The following KAZALD1 variants were observed in gnomAD, a reference collection of about 807,000 sequenced individuals.
KAZALD1 encodes the protein Kazal type serine peptidase inhibitor domain 1, also known as kazal-type serine protease inhibitor domain-containing protein 1.
A neutral mutation model predicts 27.7 loss-of-function variants in KAZALD1; 31 were observed. The ratio of observed to expected loss-of-function variants is 1.12; its 90% CI spans 0.84 to 1.51. The LOEUF is 1.51. Ranked by LOEUF, KAZALD1 falls within the 40% of genes most tolerant of loss-of-function variation. The pLI is 0.00. For synonymous variants in KAZALD1, 179 were observed against 182.0 expected (o/e 0.98, Z 0.13); for missense variants, 444 against 408.9 (o/e 1.09, Z -0.74).
In KAZALD1 at chr10:101,062,844, C is replaced by G; in HGVS notation, c.252C>G (p.Asn84Lys). 6.3e-7 allele frequency: 1 copy of G among 1,594,266 alleles called. No homozygotes were observed. Among genetic ancestry groups the G allele is most frequent in the Admixed American group, 1.7e-5 (1 of 59,532 alleles). The change falls in exon 2 of 5, where the codon AAC becomes AAG. Residue 84 changes from asparagine (N) to lysine (K), a missense_variant. Coordinates refer to ENST00000370200, the MANE Select transcript of KAZALD1 (RefSeq NM_030929.5). ...GCGGCTGCTGCTGGGAATGCGCCAACCTCGAGGGCCAGCTCTGCGACCTGG... is the reference window on the plus strand; with the variant it reads ...GCGGCTGCTGCTGGGAATGCGCCAAGCTCGAGGGCCAGCTCTGCGACCTGG... Reference protein sequence around the residue: ...DACGCCWECANLEGQLCDLDP... With the variant: ...DACGCCWECAKLEGQLCDLDP...
downstream of KAZALD1, chr10:101,067,873 G>A (rs964545788): frequency 2.1e-6 from 1 of 469,604 alleles, no homozygotes; most frequent in Non-Finnish European, 4.4e-6. Flanking sequence ...TGGGGACCGA[G>A]GACACCCTCA....
In KAZALD1 at chr10:101,062,637, G is replaced by T. The variant is rs746864441; in HGVS notation, c.45G>T (p.Val15=). The change falls in exon 2 of 5, where the codon GTG becomes GTT. Residue 15 remains valine (V), a synonymous_variant. Transcript: ENST00000370200. ...CCGCAGCTGCCTTGGCGCTGCCTGT[G>T]CTCCTGCTACTGCTGGTGGTGCTGA... ...PRPAAALALP[V]LLLLLVVLTP... is the part of the protein sequence containing the mutation. 1.3e-6 allele frequency: 2 copies of T among 1,573,060 alleles called. No homozygotes were observed. Among genetic ancestry groups the T allele is most frequent in the South Asian group, 2.3e-5 (2 of 88,332 alleles).
In KAZALD1 at chr10:101,066,953, A is replaced by T. The variant is rs539954014; in HGVS notation, c.*2033A>T. The T allele has an allele frequency of 2.9e-5, 9 of 315,620 alleles. No homozygotes were observed. Among genetic ancestry groups the T allele is most frequent in the African/African-American group, 1.8e-4 (8 of 45,710 alleles). The allele number at this position is 315,620 out of a possible 1,614,324, so 19.6% of individuals were successfully genotyped here. A position where few individuals can be genotyped will look rare whatever the true frequency, so the allele number is the denominator to read the frequency against. On this transcript the variant is annotated 3_prime_UTR_variant, in exon 5 of 5. Transcript: ENST00000370200. The stretch of plus-strand genomic sequence containing the variant: ...CCTCCCCGCACCCCGCCTCTGCTGC[A>T]GCGGACCCGCTTTAATAATGTCGCT...
rs759811794 is a variant in KAZALD1 at position 101,062,770 on chromosome 10, G to T, written c.178G>T (p.Glu60Ter). ...GEGCAPCRPE[E>*]CAAPRGCLAG... is the part of the protein sequence containing the mutation. ...GGGCTGCGCTCCCTGCCGGCCAGAA[G>T]AGTGCGCCGCGCCGCGGGGCTGCCT... The change falls in exon 2 of 5, where the codon GAG (glutamate) becomes TAG (stop). Residue 60 changes from glutamate (E) to a stop codon, truncating the protein, a stop_gained. Transcript: ENST00000370200. LOFTEE classifies it high-confidence loss of function. The T allele has an allele frequency of 1.1e-5, 17 of 1,552,878 alleles. No homozygotes were observed. The highest frequency in any genetic ancestry group is 1.5e-5 in the Non-Finnish European group (17 of 1,158,682).
rs1179600088 is a variant in KAZALD1 at position 101,065,335 on chromosome 10, A to C, written c.*415A>C. 1 of 179,502 alleles carries C rather than the reference A, an allele frequency of 5.6e-6. No homozygotes were observed. The highest frequency in any genetic ancestry group is 1.6e-4 in the East Asian group (1 of 6,424). 11.1% of individuals were successfully genotyped at this position (179,502 alleles called of 1,614,324 possible). A position where few individuals can be genotyped will look rare whatever the true frequency, so the allele number is the denominator to read the frequency against. ...GGTTCTTGCTATTTCCTGGTCCCCA[A>C]CGTTTATCTAGCTTGTTTGCCCTTT... On this transcript the variant is annotated 3_prime_UTR_variant, in exon 5 of 5. Transcript: ENST00000370200.
rs755120371 is a variant in KAZALD1, at chr10:101,062,857, C to T, written c.265C>T (p.Leu89Phe). 3.4e-5 allele frequency: 54 copies of T among 1,599,696 alleles called. No homozygotes were observed. Among genetic ancestry groups the T allele is most frequent in the Admixed American group, 2.5e-4 (15 of 59,874 alleles). ...GGAATGCGCCAACCTCGAGGGCCAG[C>T]TCTGCGACCTGGACCCCAGTGCTCA... ...CWECANLEGQ[L>F]CDLDPSAHFY... The change falls in exon 2 of 5, where the codon CTC becomes TTC. Residue 89 changes from leucine to phenylalanine, a missense_variant. Leu to Phe is a conservative substitution (Grantham distance 22, BLOSUM62 0). Coordinates refer to ENST00000370200, the MANE Select transcript of KAZALD1 (RefSeq NM_030929.5).
chr10:101,062,853 C>T lies in KAZALD1; in HGVS notation c.261C>T (p.Gly87=). The change falls in exon 2 of 5, where the codon GGC becomes GGT. Residue 87 remains glycine, a synonymous_variant. Transcript: ENST00000370200. ...GCCWECANLE[G]QLCDLDPSAH... is the part of the protein sequence containing the mutation. The stretch of plus-strand genomic sequence containing the variant: ...GCTGGGAATGCGCCAACCTCGAGGG[C>T]CAGCTCTGCGACCTGGACCCCAGTG... 3 of 1,597,508 alleles carry T rather than the reference C, an allele frequency of 1.9e-6. No individual in the cohort carries two copies. Among genetic ancestry groups the T allele is most frequent in the South Asian group, 1.1e-5 (1 of 90,604 alleles).
Position 101,064,389 on chromosome 10 carries a change from C to T in KAZALD1, c.640C>T (p.Leu214=), listed in dbSNP as rs1349463986. The T allele has an allele frequency of 6.2e-7, 1 of 1,614,186 alleles. No individual in the cohort carries two copies. The change falls in exon 3 of 5, where the codon CTG becomes TTG. Residue 214 remains leucine, a synonymous_variant. Coordinates refer to ENST00000370200, the MANE Select transcript of KAZALD1 (RefSeq NM_030929.5). ...EWRKDGLDIQ[L]PGDDPHISVQ... The stretch of plus-strand genomic sequence containing the variant: ...GAGGAAGGATGGCTTGGACATCCAG[C>T]TGCCAGGGGATGACCCCCACATCTC...
At position 101,064,831 on chromosome 10, in the gene KAZALD1, C is replaced by A; in HGVS notation, c.826C>A (p.Leu276Met). 1 of 1,614,134 alleles carries A rather than the reference C, an allele frequency of 6.2e-7. No homozygotes were observed. The highest frequency in any genetic ancestry group is 8.5e-7 in the Non-Finnish European group (1 of 1,179,964). Residue 276 changes from leucine to methionine, a missense_variant, in exon 5 of 5, where the codon CTG becomes ATG. Coordinates refer to ENST00000370200, the MANE Select transcript of KAZALD1 (RefSeq NM_030929.5). ...ASLTVLTPDQ[L>M]NSTGIPQLRS... Reference sequence around the variant, plus strand: ...TTGCCCATGTGTGTTTGCAGACCAGCTGAACTCTACAGGCATCCCCCAGCT... The same window carrying A: ...TTGCCCATGTGTGTTTGCAGACCAGATGAACTCTACAGGCATCCCCCAGCT...
At chr10:101,067,215 G>T, downstream of KAZALD1, 1 of 454,642 alleles carries the variant, frequency 2.2e-6, no homozygotes, top group Non-Finnish European at 4.4e-6. Context: ...CTGCCCACGG[G>T]CTTCCAAGCC....
In KAZALD1 at chr10:101,066,011, G is replaced by C. The variant is rs1416691501; in HGVS notation, c.*1091G>C. Among the ~76,000 whole-genome samples the C allele has an allele frequency of 6.6e-6, 1 of 152,218 alleles. No homozygotes were observed. The highest frequency in any genetic ancestry group is 1.5e-5 in the Non-Finnish European group (1 of 68,028). On this transcript the variant is annotated 3_prime_UTR_variant, in exon 5 of 5. Coordinates refer to ENST00000370200, the MANE Select transcript of KAZALD1 (RefSeq NM_030929.5). ...ATCTACCCATTTCCTGCAGAAGCCAGAGTCATGGTAAGGCTGTTTCCTATC... is the reference window on the plus strand; with the variant it reads ...ATCTACCCATTTCCTGCAGAAGCCACAGTCATGGTAAGGCTGTTTCCTATC...
chr10:101,062,610 G>A lies in KAZALD1; in HGVS notation c.18G>A (p.Arg6=), dbSNP rs778226073. Residue 6 remains arginine (R), a synonymous_variant, in exon 2 of 5, where the codon CGG becomes CGA. Coordinates refer to ENST00000370200, the MANE Select transcript of KAZALD1 (RefSeq NM_030929.5). ...CGCTAACCATGCTGCCGCCGCCGCG[G>A]CCCGCAGCTGCCTTGGCGCTGCCTG... MLPPP[R]PAAALALPVL... is the part of the protein sequence containing the mutation. The A allele has an allele frequency of 2.5e-6, 4 of 1,580,804 alleles. No homozygotes were observed. The highest frequency in any genetic ancestry group is 1.7e-5 in the Admixed American group (1 of 58,080).
rs1939288271 is a variant in KAZALD1, at chr10:101,065,167, G to A, written c.*247G>A. On this transcript the variant is annotated 3_prime_UTR_variant, in exon 5 of 5. Coordinates refer to ENST00000370200, the MANE Select transcript of KAZALD1 (RefSeq NM_030929.5). Reference sequence around the variant, plus strand: ...GTACAAAGGGGCCCATGCAGGAGATGCCCTGGCCAGTAGGACCTCCAACAG... The same window carrying A: ...GTACAAAGGGGCCCATGCAGGAGATACCCTGGCCAGTAGGACCTCCAACAG... The A allele has an allele frequency of 6.1e-6, 3 of 489,470 alleles. No individual in the cohort carries two copies. The East Asian group carries it at 1.1e-4, about 18-fold the overall frequency. The allele number at this position is 489,470 out of a possible 1,614,324, so 30.3% of individuals were successfully genotyped here.
intron 2 of KAZALD1, 108 bp downstream of exon 2, chr10:101,063,211 C>A: frequency 2.0e-6 from 2 of 977,436 alleles, no homozygotes; most frequent in Non-Finnish European, 2.9e-6. Context: ...AAAGATAAGG[C>A]TATAGAGGCC....
chr10:101,062,505 G>GT, intron 1 of KAZALD1, 37 bp from the exon 2 acceptor site: 1 of 1,515,964 alleles, frequency 6.6e-7, no homozygotes. Context: ...CACAGGCCCT[G>GT]TTTCTGACCT....
chr10:101,068,086 C>A, downstream of KAZALD1: 1 of 443,142 alleles, frequency 2.3e-6, no homozygotes, highest in Non-Finnish European at 4.7e-6. Flanking sequence ...GGCCTTGAGA[C>A]AATTTACTTG....
downstream of KAZALD1, chr10:101,067,070 C>T (rs760754736): frequency 5.2e-5 from 18 of 347,890 alleles, no homozygotes; most frequent in Non-Finnish European, 8.6e-5. Context: ...GATTATTCAC[C>T]GCAAATAAAT....
Position 101,062,565 on chromosome 10 carries a change from C to T in KAZALD1, c.-28C>T, listed in dbSNP as rs201640457. 1.4e-3 allele frequency: 2,150 copies of T among 1,576,060 alleles called. 3 individuals are homozygous for T. Among genetic ancestry groups the T allele is most frequent in the Middle Eastern group, 1.8e-3 (8 of 4,344 alleles). On this transcript the variant is annotated 5_prime_UTR_variant, in exon 2 of 5. An upstream open reading frame in the 5' UTR gains an earlier in-frame stop. Transcript: ENST00000370200. ...AGGGTGCCCGAACGCGCTGATGCCC[C>T]GAGTGCTCGCAGGGCTTCCCGCTAA...
rs1939195984 is a variant in KAZALD1 at position 101,062,779 on chromosome 10, G to A, written c.187G>A (p.Ala63Thr). 6.4e-7 allele frequency: 1 copy of A among 1,552,890 alleles called. No homozygotes were observed. The highest frequency in any genetic ancestry group is 1.2e-5 in the South Asian group (1 of 84,504). The change falls in exon 2 of 5, where the codon GCG (alanine) becomes ACG (threonine). Residue 63 changes from alanine to threonine, a missense_variant. By Grantham distance (58) the Ala-to-Thr change is moderately conservative. Transcript: ENST00000370200. ...CAPCRPEECA[A>T]PRGCLAGRVR... Reference sequence around the variant, plus strand: ...TCCCTGCCGGCCAGAAGAGTGCGCCGCGCCGCGGGGCTGCCTGGCGGGCAG... The same window carrying A: ...TCCCTGCCGGCCAGAAGAGTGCGCCACGCCGCGGGGCTGCCTGGCGGGCAG...
Sources: gnomAD v4.1 joint callset for allele counts (sites outside exome capture counted in the v4.1 genomes callset) on GRCh38, gnomAD v4.1.1 for gene constraint, MANE v1.5 for transcripts, NCBI Gene and HGNC (gene_info 2026-07-23, HGNC 2026-07-21) for gene names.